The following OOEP variants were observed in gnomAD, a reference collection of about 807,000 sequenced individuals.
OOEP encodes the protein oocyte-expressed protein homolog.
Under a neutral mutation model 13.7 loss-of-function variants are expected in OOEP, and 16 were observed. The ratio of observed to expected loss-of-function variants is 1.16; its 90% CI spans 0.79 to 1.77. The LOEUF (loss-of-function observed/expected upper bound fraction) is 1.77. OOEP is among the 40% of genes most tolerant of loss of function. OOEP has a pLI of 0.00. For missense variants in OOEP, 195 were observed against 193.1 expected (o/e 1.01, Z -0.06); for synonymous variants, 89 against 77.1 (o/e 1.15, Z -0.81).
At chr6:73,385,575 C>G (rs919023677) in intron 2 of OOEP, among the ~76,000 whole-genome samples, 6 of 151,790 alleles carry the variant, frequency 4.0e-5, no homozygotes, top group Admixed American at 6.6e-5. Flanking sequence ...AGTCTCTTCC[C>G]CAGCCTAAAT....
intron 2 of OOEP, among the ~76,000 whole-genome samples, chr6:73,386,239 C>T (rs1411714657): frequency 6.6e-6 from 1 of 152,074 alleles, no homozygotes; most frequent in South Asian, 2.1e-4. Flanking sequence ...GGATTACAGG[C>T]ATGTGCCACC....
In OOEP at chr6:73,392,176, GC is replaced by G. The variant is rs545211174; in HGVS notation, c.25+2169del. On this transcript the variant is annotated intron_variant, in intron 2 of 3. Transcript: ENST00000370363. ...ACCAGTATTTCTGACTAACATAGAT[GC>G]AAAAATCCTTAATAAAATCTCAGCA... Among the ~76,000 whole-genome samples the G allele has an allele frequency of 5.9e-4, 90 of 152,288 alleles. 1 individual carries two copies. In the South Asian group the frequency reaches 0.018, roughly 30 times the overall value.
At chr6:73,377,116 CAT>C in intron 2 of OOEP, among the ~76,000 whole-genome samples, 1 of 152,180 alleles carries the variant, frequency 6.6e-6, no homozygotes, top group Non-Finnish European at 1.5e-5. Flanking sequence ...ATTAGCTAGA[CAT>C]ATGTGGTCTT....
chr6:73,374,589 TTTTG>T (rs1323721843), upstream of OOEP, among the ~76,000 whole-genome samples: 21 of 152,214 alleles, frequency 1.4e-4, no homozygotes, highest in Admixed American at 1.3e-4. Flanking sequence ...GTCTGGAGTT[TTTTG>T]TTTTTGTTTT....
rs1554233272 is a variant in OOEP at position 73,379,657 on chromosome 6, A to AAAAAAAAAAAAAG, written c.26-10273_26-10272insCTTTTTTTTTTTT. On this transcript the variant is annotated intron_variant, in intron 2 of 3. Transcript: ENST00000370363. The stretch of plus-strand genomic sequence containing the variant: ...CTATCTCAAAAAAAAAAAAAAAAAA[A>AAAAAAAAAAAAAG]AAAAGTGGCCTTATTTTACATGTTT... Among the ~76,000 whole-genome samples the AAAAAAAAAAAAAG allele has an allele frequency of 2.7e-5, 3 of 110,930 alleles. 1 individual carries two copies. The highest frequency in any genetic ancestry group is 5.3e-5 in the Non-Finnish European group (3 of 56,358). 72.8% of individuals were successfully genotyped at this position (110,930 alleles called of 152,430 possible). A position where few individuals can be genotyped will look rare whatever the true frequency, so the allele number is the denominator to read the frequency against.
intron 1 of OOEP, 42 bp from the exon 2 acceptor site, chr6:73,369,427 AG>A: frequency 6.3e-7 from 1 of 1,579,598 alleles, no homozygotes. Context: ...GCACGGTGGC[AG>A]GTTAGAAGCT....
At chr6:73,394,901 G>A in exon 1 of OOEP, 1 of 1,613,944 alleles carries the variant, frequency 6.2e-7, no homozygotes, top group Non-Finnish European at 8.5e-7. Context: ...CCCCTTCTTG[G>A]AACAATGTCC....
intron 2 of OOEP, among the ~76,000 whole-genome samples, chr6:73,382,251 T>G (rs1582627941): frequency 7.2e-6 from 1 of 138,448 alleles, no homozygotes; most frequent in Non-Finnish European, 1.5e-5. Context: ...GGAGTCTCGC[T>G]GTGTTGCCCA....
At chr6:73,383,850 C>T (rs1328932075) in intron 2 of OOEP, among the ~76,000 whole-genome samples, 1 of 152,064 alleles carries the variant, frequency 6.6e-6, no homozygotes, top group African/African-American at 2.4e-5. Context: ...TGTAATCACA[C>T]TTTGGGAGGC....
At chr6:73,378,427 C>T (rs1322937189) in intron 2 of OOEP, among the ~76,000 whole-genome samples, 1 of 152,016 alleles carries the variant, frequency 6.6e-6, no homozygotes, top group African/African-American at 2.4e-5. Context: ...ATCATCTGAG[C>T]CAGCAGTTCT....
At chr6:73,388,854 G>A (rs1769308899) in intron 2 of OOEP, among the ~76,000 whole-genome samples, 1 of 152,286 alleles carries the variant, frequency 6.6e-6, no homozygotes, top group South Asian at 2.1e-4. Flanking sequence ...CTGCTGCTCC[G>A]AGAGCCAAGG....
chr6:73,381,295 G>A (rs1176604115), intron 2 of OOEP, among the ~76,000 whole-genome samples: 1 of 151,884 alleles, frequency 6.6e-6, no homozygotes, highest in Admixed American at 6.6e-5. Flanking sequence ...GAGAAGGGAG[G>A]TGGATAGGCC....
chr6:73,388,584 C>A (rs979245644), intron 2 of OOEP, among the ~76,000 whole-genome samples: 1 of 152,192 alleles, frequency 6.6e-6, no homozygotes, highest in Non-Finnish European at 1.5e-5. Context: ...GGAACTGCAC[C>A]CATGGGTTCC....
intron 2 of OOEP, among the ~76,000 whole-genome samples, chr6:73,386,127 T>C (rs1769269405): frequency 6.9e-6 from 1 of 144,886 alleles, no homozygotes; most frequent in African/African-American, 2.6e-5. Flanking sequence ...AGAGTTTCGC[T>C]CTTGTTGCCC....
At chr6:73,372,908 CTTTTTTTT>C (rs371058661), upstream of OOEP, among the ~76,000 whole-genome samples, 7 of 134,520 alleles carry the variant, frequency 5.2e-5, no homozygotes, top group Non-Finnish European at 9.5e-5. Context: ...TTTTTCTTTC[CTTTTTTTT>C]TTTTTTTTTT....
chr6:73,390,621 G>A (rs1339441049), intron 2 of OOEP, among the ~76,000 whole-genome samples: 6 of 140,988 alleles, frequency 4.3e-5, no homozygotes, highest in South Asian at 4.5e-4. Flanking sequence ...CGTTCTTGTC[G>A]CCTGGAGTGT....
Position 73,368,648 on chromosome 6 carries a change from G to A in OOEP, c.*136C>T. On this transcript the variant is annotated 3_prime_UTR_variant, in exon 3 of 3. Transcript: ENST00000370359. Reference sequence around the variant, plus strand: ...ATTAGAATAGTTCAAACTCACTCTTGCAACAAAATAAACCACAATCCATCA... The same window carrying A: ...ATTAGAATAGTTCAAACTCACTCTTACAACAAAATAAACCACAATCCATCA... 2 of 637,600 alleles carry A rather than the reference G, an allele frequency of 3.1e-6. No individual in the cohort carries two copies. Among genetic ancestry groups the A allele is most frequent in the Non-Finnish European group, 5.6e-6 (2 of 360,192 alleles). 39.5% of individuals were successfully genotyped at this position (637,600 alleles called of 1,614,324 possible). A position where few individuals can be genotyped will look rare whatever the true frequency, so the allele number is the denominator to read the frequency against.
At chr6:73,394,278 C>A in intron 2 of OOEP, 1 of 711,020 alleles carries the variant, frequency 1.4e-6, no homozygotes, top group Non-Finnish European at 2.6e-6. Flanking sequence ...AGGATAAATG[C>A]TGTTTTGTCA....
At chr6:73,373,278 T>A, upstream of OOEP, 1 of 1,591,510 alleles carries the variant, frequency 6.3e-7, no homozygotes, top group Non-Finnish European at 8.6e-7. Context: ...AGCAGCGGAG[T>A]CAAGAACACA....
Sources: gnomAD v4.1 joint callset for allele counts (sites outside exome capture counted in the v4.1 genomes callset) on GRCh38, gnomAD v4.1.1 for gene constraint, MANE v1.5 for transcripts, NCBI Gene and HGNC (gene_info 2026-07-23, HGNC 2026-07-21) for gene names.